The following OTOGL variants were observed in gnomAD, a reference collection of about 807,000 sequenced individuals.
OTOGL encodes the protein otogelin-like protein.
In OTOGL, 285 loss-of-function variants were observed where a neutral mutation model predicts 318.5. The ratio of observed to expected loss-of-function variants is 0.89; its 90% CI spans 0.81 to 0.99. The LOEUF is 0.99. Among genes scored for constraint, OTOGL ranks in the 50% least tolerant of loss-of-function variants. The pLI is 0.00. For missense variants in OTOGL, 2,899 were observed against 2,845.6 expected, an observed-to-expected ratio of 1.02 and a Z score of -0.43; for synonymous variants, 987 against 936.5, an observed-to-expected ratio of 1.05 and a Z score of -0.99.
At chr12:80,105,506 T>C (rs1002594422) in intron 1 of OTOGL, among the ~76,000 whole-genome samples, 62 of 152,338 alleles carry the variant, frequency 4.1e-4, no homozygotes, top group African/African-American at 1.3e-3. Context: ...GATTTTTATC[T>C]TTGTACCATA....
intron 26 of OTOGL, among the ~76,000 whole-genome samples, chr12:80,293,741 TA>T (rs574306372): frequency 4.6e-5 from 7 of 152,018 alleles, no homozygotes; most frequent in Non-Finnish European, 7.4e-5. Flanking sequence ...TGCAAAACAT[TA>T]AAAAAAATCA....
chr12:80,157,899 A>G (rs994898818), intron 1 of OTOGL, among the ~76,000 whole-genome samples: 6 of 151,992 alleles, frequency 3.9e-5, no homozygotes, highest in South Asian at 2.1e-4. Flanking sequence ...CCTTGAATCA[A>G]TTTCTGTTGT....
chr12:80,340,514 T>G (rs1171715536), intron 43 of OTOGL, among the ~76,000 whole-genome samples: 2 of 152,210 alleles, frequency 1.3e-5, no homozygotes, highest in Non-Finnish European at 2.9e-5. Context: ...TTTTTATGTT[T>G]TTTATCCTTC....
chr12:80,328,697 A>G lies in OTOGL; in HGVS notation c.4232A>G (p.Asn1411Ser). ...VEGCLPYCPK[N>S]MILDEVTLKC... The stretch of plus-strand genomic sequence containing the variant: ...GGATGCTTGCCCTACTGCCCTAAAA[A>G]TATGATCCTTGATGAGGTCACCCTC... Residue 1411 changes from asparagine (N) to serine (S), a missense_variant, in exon 36 of 59, where the codon AAT becomes AGT. By Grantham distance (46) the Asn-to-Ser change is conservative. This residue lies in a region of OTOGL where 2,607 missense variants were observed against 2,524.9 expected (regional missense o/e 1.03). Coordinates refer to ENST00000547103, the MANE Select transcript of OTOGL (RefSeq NM_001378609.3). The G allele has an allele frequency of 1.9e-6, 3 of 1,607,300 alleles. No individual in the cohort carries two copies. The highest frequency in any genetic ancestry group is 2.6e-6 in the Non-Finnish European group (3 of 1,173,908).
At chr12:80,216,589 T>G (rs1877743164) in intron 4 of OTOGL, among the ~76,000 whole-genome samples, 1 of 152,226 alleles carries the variant, frequency 6.6e-6, no homozygotes, top group South Asian at 2.1e-4. Context: ...TTGCTAATTT[T>G]CTGTGTGAGG....
At position 80,377,902 on chromosome 12, in the gene OTOGL, A is replaced by G; in HGVS notation, c.6916A>G (p.Asn2306Asp). Residue 2306 changes from asparagine to aspartate, a missense_variant, in exon 59 of 59, where the codon AAT (asparagine) becomes GAT (aspartate). This residue lies in a region of OTOGL where 289 missense variants were observed against 304.6 expected (regional missense o/e 0.95). Coordinates refer to ENST00000547103, the MANE Select transcript of OTOGL (RefSeq NM_001378609.3). ...KCPSATIYNI[N>D]IESHLRFCKC... is the part of the protein sequence containing the mutation. ...CCCATCAGCTACCATATATAACATC[A>G]ATATTGAAAGTCACCTAAGATTCTG... is the stretch of plus-strand genomic sequence containing the variant. The G allele has an allele frequency of 3.1e-6, 5 of 1,611,712 alleles. No homozygotes were observed. The highest frequency in any genetic ancestry group is 4.2e-6 in the Non-Finnish European group (5 of 1,178,588).
intron 43 of OTOGL, among the ~76,000 whole-genome samples, chr12:80,340,941 T>TG (rs1033856270): frequency 4.0e-5 from 6 of 151,346 alleles, no homozygotes; most frequent in African/African-American, 1.5e-4. Flanking sequence ...CTTAGGTTTT[T>TG]TTTTTTTTTT....
intron 38 of OTOGL, among the ~76,000 whole-genome samples, chr12:80,333,921 A>C (rs1888237322): frequency 6.6e-6 from 1 of 152,176 alleles, no homozygotes; most frequent in African/African-American, 2.4e-5. Flanking sequence ...GAGACCTGTA[A>C]GTAATAAAGG....
chr12:80,266,400 G>GAGA, intron 20 of OTOGL, 51 bp from the exon 21 acceptor site: 1 of 1,581,434 alleles, frequency 6.3e-7, no homozygotes, highest in South Asian at 1.1e-5. Flanking sequence ...GGCATAAAAT[G>GAGA]TTTCTATGTG....
At position 80,355,897 on chromosome 12, in the gene OTOGL, G is replaced by A. The variant is rs1400368702; in HGVS notation, c.5755G>A (p.Val1919Ile). The A allele has an allele frequency of 1.9e-6, 3 of 1,613,922 alleles. No individual in the cohort carries two copies. Among genetic ancestry groups the A allele is most frequent in the Non-Finnish European group, 2.5e-6 (3 of 1,179,828 alleles). ...PTPVCEREAE[V>I]VMGIIDKWTC... ...GCCAGTTTGTGAACGAGAAGCTGAA[G>A]TTGTCATGGGCATCATTGATAAATG... Residue 1919 changes from valine to isoleucine, a missense_variant, in exon 47 of 59, where the codon GTT (valine) becomes ATT (isoleucine). Around this residue, in one of 3 missense-constraint regions of OTOGL, gnomAD observed 2,607 missense variants for 2,524.9 expected, o/e 1.03. Coordinates refer to ENST00000547103, the MANE Select transcript of OTOGL (RefSeq NM_001378609.3).
chr12:80,308,040 C>T (rs1481478546), intron 29 of OTOGL, among the ~76,000 whole-genome samples: 13 of 137,050 alleles, frequency 9.5e-5, no homozygotes, highest in Non-Finnish European at 1.3e-4. Flanking sequence ...GCTGGCCGCG[C>T]GGGGGGCTGA....
At chr12:80,368,389 C>A in intron 55 of OTOGL, 80 bp downstream of exon 55, 1 of 882,234 alleles carries the variant, frequency 1.1e-6, no homozygotes, top group Non-Finnish European at 1.8e-6. Context: ...AATGTCCCCC[C>A]CCACACACAC....
intron 44 of OTOGL, among the ~76,000 whole-genome samples, chr12:80,342,998 C>T (rs1449917333): frequency 6.6e-6 from 1 of 152,178 alleles, no homozygotes; most frequent in African/African-American, 2.4e-5. Context: ...TCTCCTGCCT[C>T]AGCCTCCCGA....
intron 29 of OTOGL, among the ~76,000 whole-genome samples, chr12:80,307,536 CG>C (rs1886237455): frequency 6.8e-6 from 1 of 148,028 alleles, no homozygotes; most frequent in African/African-American, 2.5e-5. Flanking sequence ...CCCTCACCTC[CG>C]GGACGGGGCA....
chr12:80,101,624 CT>C (rs1175955676), intron 1 of OTOGL, among the ~76,000 whole-genome samples: 2 of 152,064 alleles, frequency 1.3e-5, no homozygotes, highest in African/African-American at 4.8e-5. Context: ...AATATAGTGC[CT>C]AGTCCAGTAT....
Position 80,217,597 on chromosome 12 carries a change from G to A in OTOGL, c.169-1G>A. 1 of 1,530,834 alleles carries A rather than the reference G, an allele frequency of 6.5e-7. No individual in the cohort carries two copies. The highest frequency in any genetic ancestry group is 8.8e-7 in the Non-Finnish European group (1 of 1,130,840). The allele number at this position is 1,530,834 out of a possible 1,614,324, so 94.8% of individuals were successfully genotyped here. On this transcript the variant is annotated splice_acceptor_variant, in intron 4 of 58. Transcript: ENST00000547103. LOFTEE classifies it high-confidence loss of function. ...TGCATTCTCATTTCTTTCTTTCAAA[G>A]TTTGAAGCTACTTCTCCGAGATACT...
At chr12:80,112,176 A>T (rs1869881278) in intron 1 of OTOGL, among the ~76,000 whole-genome samples, 1 of 152,236 alleles carries the variant, frequency 6.6e-6, no homozygotes, top group South Asian at 2.1e-4. Flanking sequence ...CTAAATATAC[A>T]ATCATGTCAT....
chr12:80,235,467 CAAAAAAAAAAAA>C (rs10600987), intron 9 of OTOGL, among the ~76,000 whole-genome samples: 5 of 86,964 alleles, frequency 5.7e-5, no homozygotes, highest in Admixed American at 1.2e-4. Flanking sequence ...GACTCTGTCT[CAAAAAAAAAAAA>C]AAAAAAAAAA....
intron 20 of OTOGL, among the ~76,000 whole-genome samples, 157 bp from the exon 21 acceptor site, chr12:80,266,294 T>G (rs1390536233): frequency 3.3e-5 from 5 of 152,226 alleles, no homozygotes; most frequent in Non-Finnish European, 2.9e-5. Context: ...TCATTTCCAC[T>G]GAGGATGTTG....
Sources: allele counts gnomAD v4.1 joint callset (sites outside exome capture counted in the v4.1 genomes callset), GRCh38; gene constraint gnomAD v4.1.1; regional missense constraint gnomAD v4.1.1; transcripts MANE v1.5; gene names NCBI Gene and HGNC (gene_info 2026-07-23, HGNC 2026-07-21).